The following KHDRBS2 variants were observed in gnomAD, a reference collection of about 807,000 sequenced individuals.
KHDRBS2 encodes the protein KH RNA binding domain containing, signal transduction associated 2.
Under a neutral mutation model 44.3 loss-of-function variants are expected in KHDRBS2, and 26 were observed. The ratio of observed to expected loss-of-function variants is 0.59; its 90% confidence interval spans 0.43 to 0.81. The LOEUF is 0.81. KHDRBS2 is among the 40% of genes least tolerant of loss of function. The pLI is 0.00. For missense variants in KHDRBS2, 476 were observed against 433.1 expected (o/e 1.10, Z -0.88); for synonymous variants, 194 against 151.1 (o/e 1.28, Z -2.08).
the KHDRBS2 span, among the ~76,000 whole-genome samples, chr6:61,587,605 C>T: frequency 6.6e-6 from 1 of 152,076 alleles, no homozygotes; most frequent in Non-Finnish European, 1.5e-5. Context: ...CAGTCTAATA[C>T]AATACTAGCA....
chr6:62,283,159 AT>A (rs1469275845), intron 1 of KHDRBS2, among the ~76,000 whole-genome samples: 1 of 152,154 alleles, frequency 6.6e-6, no homozygotes, highest in African/African-American at 2.4e-5. Context: ...TATTTTAATT[AT>A]TTAAGCATAT....
chr6:62,169,034 CATATATATATATATAT>C (rs369570219), intron 2 of KHDRBS2, among the ~76,000 whole-genome samples: 7 of 72,582 alleles, frequency 9.6e-5, no homozygotes, highest in East Asian at 4.4e-4. Context: ...GTTCTCCAGT[CATATATATATATATAT>C]ATATATATAT....
chr6:61,595,492 C>T, the KHDRBS2 span, among the ~76,000 whole-genome samples: 34 of 152,214 alleles, frequency 2.2e-4, no homozygotes, highest in East Asian at 1.7e-3. Context: ...AACAAACACA[C>T]ATCTTCATGC....
intron 6 of KHDRBS2, among the ~76,000 whole-genome samples, chr6:61,777,811 A>C (rs1782328314): frequency 6.6e-6 from 1 of 152,134 alleles, no homozygotes; most frequent in African/African-American, 2.4e-5. Context: ...TGTAAAAACG[A>C]AGATTAAGAT....
At chr6:61,581,478 A>G in the KHDRBS2 span, among the ~76,000 whole-genome samples, 1 of 150,418 alleles carries the variant, frequency 6.6e-6, no homozygotes, top group African/African-American at 2.4e-5. Context: ...AGCATCCAGG[A>G]CAAGTAGTGA....
chr6:61,774,116 T>G (rs1781510037), intron 6 of KHDRBS2, among the ~76,000 whole-genome samples: 1 of 152,198 alleles, frequency 6.6e-6, no homozygotes, highest in African/African-American at 2.4e-5. Flanking sequence ...AGGATTGACT[T>G]GGCGATGCAG....
intron 6 of KHDRBS2, among the ~76,000 whole-genome samples, chr6:61,734,896 T>C (rs1775089114): frequency 6.6e-6 from 1 of 152,182 alleles, no homozygotes; most frequent in South Asian, 2.1e-4. Context: ...AAGAACTGTG[T>C]CATTGTGCTC....
chr6:61,729,354 A>G (rs1774075711), intron 7 of KHDRBS2, among the ~76,000 whole-genome samples: 1 of 152,150 alleles, frequency 6.6e-6, no homozygotes, highest in Admixed American at 6.6e-5. Flanking sequence ...GAGGATCAGG[A>G]AAAAGAACTG....
the KHDRBS2 span, among the ~76,000 whole-genome samples, chr6:61,608,345 T>C: frequency 6.6e-6 from 1 of 152,028 alleles, no homozygotes; most frequent in Admixed American, 6.6e-5. Context: ...TGTGTGTGTG[T>C]GTGTGTGTAC....
chr6:62,044,653 T>A (rs1350541117), intron 3 of KHDRBS2, among the ~76,000 whole-genome samples: 2 of 152,096 alleles, frequency 1.3e-5, no homozygotes, highest in Non-Finnish European at 2.9e-5. Flanking sequence ...CACCTATCTA[T>A]GAAACCACAG....
downstream of KHDRBS2, among the ~76,000 whole-genome samples, chr6:61,676,528 CA>C (rs1220803718): frequency 2.6e-5 from 4 of 151,868 alleles, no homozygotes; most frequent in Non-Finnish European, 5.9e-5. Flanking sequence ...TGTCCACTGA[CA>C]ACATCTGCAT....
At chr6:61,993,673 A>ATATT (rs1425839225) in intron 3 of KHDRBS2, among the ~76,000 whole-genome samples, 39 of 115,690 alleles carry the variant, frequency 3.4e-4, no homozygotes, top group African/African-American at 1.2e-3. Context: ...ATATATATAT[A>ATATT]TTTTTTTTTT....
intron 1 of KHDRBS2, among the ~76,000 whole-genome samples, chr6:62,205,817 A>C (rs1007305888): frequency 4.6e-5 from 7 of 152,160 alleles, no homozygotes; most frequent in African/African-American, 1.7e-4. Context: ...ACTGTCTATC[A>C]TGGATTACTG....
chr6:61,954,974 A>G (rs914620754), intron 4 of KHDRBS2, among the ~76,000 whole-genome samples: 2 of 113,806 alleles, frequency 1.8e-5, no homozygotes, highest in Non-Finnish European at 3.6e-5. Flanking sequence ...ATACGCATAC[A>G]TATGTATGTG....
intron 6 of KHDRBS2, among the ~76,000 whole-genome samples, chr6:61,773,068 C>T (rs1248170151): frequency 1.3e-5 from 2 of 152,026 alleles, no homozygotes; most frequent in Non-Finnish European, 2.9e-5. Context: ...GGTTCCAAGT[C>T]TTTGCTATTG....
chr6:61,961,553 T>C (rs1450808632), intron 4 of KHDRBS2, among the ~76,000 whole-genome samples: 2 of 152,020 alleles, frequency 1.3e-5, no homozygotes, highest in Non-Finnish European at 2.9e-5. Context: ...AGTAGGGTTG[T>C]TGGAAAGGCC....
At chr6:61,766,700 C>T (rs1780062029) in intron 6 of KHDRBS2, among the ~76,000 whole-genome samples, 1 of 151,850 alleles carries the variant, frequency 6.6e-6, no homozygotes, top group Non-Finnish European at 1.5e-5. Context: ...AAATTTTCTT[C>T]CTAATTTCTT....
chr6:61,872,962 C>T (rs1473811528), intron 6 of KHDRBS2, among the ~76,000 whole-genome samples: 2 of 152,074 alleles, frequency 1.3e-5, no homozygotes, highest in African/African-American at 4.8e-5. Context: ...ACTGATAAAA[C>T]TGGTTATCCA....
At chr6:61,917,110 T>C (rs2127356149) in intron 4 of KHDRBS2, among the ~76,000 whole-genome samples, 1 of 151,728 alleles carries the variant, frequency 6.6e-6, no homozygotes, top group African/African-American at 2.4e-5. Context: ...CCAAACGAGT[T>C]GAAAACTTAC....
Sources: gnomAD v4.1 joint callset for allele counts (sites outside exome capture counted in the v4.1 genomes callset) on GRCh38, gnomAD v4.1.1 for gene constraint, MANE v1.5 for transcripts, NCBI Gene and HGNC (gene_info 2026-07-23, HGNC 2026-07-21) for gene names.